DLG2: variants seen among roughly 807,000 people sequenced by gnomAD.
DLG2 encodes the protein disks large homolog 2.
A neutral mutation model predicts 132.5 loss-of-function variants in DLG2; 45 were observed. The ratio of observed to expected loss-of-function variants is 0.34; its 90% CI spans 0.27 to 0.44. The LOEUF is 0.44. Among genes scored for constraint, DLG2 ranks in the 20% least tolerant of loss-of-function variants. The pLI is 1.00. For synonymous variants in DLG2, 424 were observed against 419.6 expected (o/e 1.01, Z -0.13); for missense variants, 1,045 against 1,196.9 (o/e 0.87, Z 1.87).
intron 4 of DLG2, among the ~76,000 whole-genome samples, chr11:85,156,941 T>C (rs1320661223): frequency 6.6e-6 from 1 of 152,184 alleles, no homozygotes; most frequent in African/African-American, 2.4e-5. Flanking sequence ...ATGTAAAGTA[T>C]TGTTCCTGAA....
At chr11:85,079,024 G>A (rs926015511) in intron 6 of DLG2, among the ~76,000 whole-genome samples, 3 of 57,188 alleles carry the variant, frequency 5.2e-5, no homozygotes, top group African/African-American at 1.2e-4. Context: ...TGTGTTTTAG[G>A]GGGGGGGTCT....
At chr11:84,810,627 C>A (rs774992811) in intron 6 of DLG2, among the ~76,000 whole-genome samples, 2 of 152,036 alleles carry the variant, frequency 1.3e-5, no homozygotes, top group Admixed American at 6.6e-5. Flanking sequence ...AGTAGTTAAC[C>A]TAGAGAAATA....
intron 4 of DLG2, among the ~76,000 whole-genome samples, chr11:85,177,068 G>A (rs1021501242): frequency 6.6e-6 from 1 of 151,888 alleles, no homozygotes; most frequent in Admixed American, 6.6e-5. Flanking sequence ...AGATCTAGAA[G>A]CATAAATGCC....
chr11:84,402,952 T>C (rs1434171318), intron 7 of DLG2, among the ~76,000 whole-genome samples: 4 of 151,456 alleles, frequency 2.6e-5, no homozygotes, highest in African/African-American at 9.8e-5. Context: ...TAGCATAAGC[T>C]TTATATAACA....
At chr11:83,981,640 T>C (rs986632377) in intron 11 of DLG2, among the ~76,000 whole-genome samples, 1 of 152,056 alleles carries the variant, frequency 6.6e-6, no homozygotes, top group African/African-American at 2.4e-5. Context: ...ACTGAAAATG[T>C]TGGCCAGGCT....
At chr11:84,928,583 T>C (rs1319567681) in intron 6 of DLG2, among the ~76,000 whole-genome samples, 2 of 151,958 alleles carry the variant, frequency 1.3e-5, no homozygotes, top group Non-Finnish European at 2.9e-5. Context: ...TTTAAATACC[T>C]AGACGATTCT....
At chr11:83,816,088 C>A (rs968988557) in intron 17 of DLG2, among the ~76,000 whole-genome samples, 23 of 152,226 alleles carry the variant, frequency 1.5e-4, no homozygotes, top group African/African-American at 5.3e-4. Context: ...TGTCCAGGAA[C>A]CTTAATCCTA....
chr11:84,531,167 C>T (rs953280262), intron 7 of DLG2, among the ~76,000 whole-genome samples: 18 of 152,120 alleles, frequency 1.2e-4, no homozygotes, highest in Non-Finnish European at 1.3e-4. Context: ...AGATCATATT[C>T]TTTGCAGTAA....
chr11:85,122,951 A>ATATATATATTATATATATATAT (rs1555376305), intron 5 of DLG2, among the ~76,000 whole-genome samples: 2 of 33,446 alleles, frequency 6.0e-5, no homozygotes, highest in African/African-American at 2.6e-4. Flanking sequence ...TATATATATT[A>ATATATATATTATATATATATAT]TATATATATA....
At chr11:85,333,487 G>A (rs539503658) in intron 3 of DLG2, among the ~76,000 whole-genome samples, 6 of 152,250 alleles carry the variant, frequency 3.9e-5, no homozygotes, top group Admixed American at 2.0e-4. Flanking sequence ...GGAGTGGTGA[G>A]AGTGGTGATC....
chr11:83,832,643 A>C (rs1459559583), intron 17 of DLG2, among the ~76,000 whole-genome samples: 1 of 152,162 alleles, frequency 6.6e-6, no homozygotes, highest in East Asian at 1.9e-4. Context: ...TTGAAAAACT[A>C]CTGGGTACTA....
chr11:83,544,227 G>A (rs1415494228), intron 19 of DLG2, among the ~76,000 whole-genome samples: 1 of 152,154 alleles, frequency 6.6e-6, no homozygotes, highest in Non-Finnish European at 1.5e-5. Flanking sequence ...TTATCTGACA[G>A]TTTCATATCT....
At chr11:84,145,786 G>C (rs185344422) in intron 9 of DLG2, among the ~76,000 whole-genome samples, 28 of 152,274 alleles carry the variant, frequency 1.8e-4, no homozygotes, top group Admixed American at 1.4e-3. Context: ...GAGAAAAATG[G>C]AGAAGGCTGG....
chr11:84,952,470 T>C (rs1329331340), intron 6 of DLG2, among the ~76,000 whole-genome samples: 7 of 151,474 alleles, frequency 4.6e-5, no homozygotes, highest in South Asian at 2.1e-4. Flanking sequence ...TGAGCGGAGA[T>C]CGCGCCACAG....
chr11:85,549,661 C>T (rs1387988266), intron 3 of DLG2, among the ~76,000 whole-genome samples: 1 of 152,094 alleles, frequency 6.6e-6, no homozygotes. Context: ...TGAGATAGGT[C>T]AGCACAAGAT....
intron 3 of DLG2, among the ~76,000 whole-genome samples, chr11:85,466,246 C>G (rs976081502): frequency 6.6e-6 from 1 of 152,096 alleles, no homozygotes; most frequent in African/African-American, 2.4e-5. Context: ...AAAATTTTCT[C>G]CCATTCTGTA....
intron 17 of DLG2, among the ~76,000 whole-genome samples, chr11:83,828,830 T>TA (rs1244026392): frequency 6.6e-6 from 1 of 152,200 alleles, no homozygotes; most frequent in Non-Finnish European, 1.5e-5. Flanking sequence ...TTTTAAGTGT[T>TA]ACTGTCTCTT....
chr11:83,668,129 G>A (rs1176163484), intron 18 of DLG2, among the ~76,000 whole-genome samples: 1 of 150,668 alleles, frequency 6.6e-6, no homozygotes, highest in Non-Finnish European at 1.5e-5. Context: ...ACAAAATGAG[G>A]GCACTCAGGC....
chr11:83,489,334 C>CAAACT (rs1210175211), intron 21 of DLG2, among the ~76,000 whole-genome samples: 23 of 152,002 alleles, frequency 1.5e-4, no homozygotes, highest in Middle Eastern at 3.4e-3. Context: ...CTCTACAAGA[C>CAAACT]AAACTATCTG....
Sources: gnomAD v4.1 joint callset for allele counts (sites outside exome capture counted in the v4.1 genomes callset) on GRCh38, gnomAD v4.1.1 for gene constraint, MANE v1.5 for transcripts, NCBI Gene and HGNC (gene_info 2026-07-23, HGNC 2026-07-21) for gene names.